The following CACNA1B variants were observed in gnomAD, a reference collection of about 807,000 sequenced individuals.
The protein encoded by CACNA1B is calcium voltage-gated channel subunit alpha1 B.
A neutral mutation model predicts 247.2 loss-of-function variants in CACNA1B; 70 were observed. The observed-to-expected ratio is 0.28, with a 90% CI of 0.23 to 0.35. The LOEUF (loss-of-function observed/expected upper bound fraction) is 0.35, where lower values mean the gene tolerates loss of function less well. Ranked by LOEUF, CACNA1B falls within the 10% of genes least tolerant of loss-of-function variation. The pLI is 1.00. For synonymous variants in CACNA1B, 1,231 were observed against 1,294.4 expected (o/e 0.95, Z 1.05); for missense variants, 2,367 against 3,197.4 (o/e 0.74, Z 6.26).
Position 138,007,864 on chromosome 9 carries a change from C to G in CACNA1B, c.2092+980C>G, listed in dbSNP as rs1270227116. Among the ~76,000 whole-genome samples the G allele has an allele frequency of 3.9e-5, 6 of 152,234 alleles. No individual in the cohort carries two copies. The highest frequency in any genetic ancestry group is 1.4e-4 in the African/African-American group (6 of 41,460). ...GGCCACTCCACCCCGTCTGTCTGTC[C>G]TCGTCTCTGCCTCACTGGTGCCGGT... On this transcript the variant is annotated intron_variant, in intron 16 of 46. Transcript: ENST00000371372. This position sits in a 1 kb window ranked among gnomAD's most constrained non-coding sequence, Gnocchi z 4.1.
intron 42 of CACNA1B, among the ~76,000 whole-genome samples, chr9:138,117,394 G>A (rs559009883): frequency 7.3e-4 from 106 of 145,358 alleles, no homozygotes; most frequent in African/African-American, 2.5e-3. Context: ...CCTACCCCCC[G>A]TCCCAGCCCG....
rs989914658 is a variant in CACNA1B at position 137,919,527 on chromosome 9, A to G, written c.966+2096A>G. ...CAGTCCGCTCCTCCACACTAAGGGC[A>G]TACAGGGTCGGTCACTGGAGATTAG... is the stretch of plus-strand genomic sequence containing the variant. On this transcript the variant is annotated intron_variant, in intron 6 of 46. Transcript: ENST00000371372. The surrounding 1 kb of genome is among the most constrained non-coding windows in gnomAD (Gnocchi z 4.6). 6.6e-6 allele frequency among the ~76,000 whole-genome samples: 1 copy of G among 152,256 alleles called. No individual in the cohort carries two copies. Among genetic ancestry groups the G allele is most frequent in the African/African-American group, 2.4e-5 (1 of 41,474 alleles).
chr9:138,113,360 T>G lies in CACNA1B; in HGVS notation c.5536+855T>G, dbSNP rs529653484. On this transcript the variant is annotated intron_variant, in intron 40 of 46. Coordinates refer to ENST00000371372, the MANE Select transcript of CACNA1B (RefSeq NM_000718.4). ...CGAGGAGGTGCCCAACTCCAACTTGTGAGAGACGTGAGGGAGCACGGGGAG... is the reference window on the plus strand; with the variant it reads ...CGAGGAGGTGCCCAACTCCAACTTGGGAGAGACGTGAGGGAGCACGGGGAG... 2.8e-5 allele frequency among the ~76,000 whole-genome samples: 4 copies of G among 141,566 alleles called. No homozygotes were observed. In the South Asian group the frequency reaches 7.0e-4, roughly 25 times the overall value. 92.9% of individuals were successfully genotyped at this position (141,566 alleles called of 152,430 possible). A position where few individuals can be genotyped will look rare whatever the true frequency, so the allele number is the denominator to read the frequency against.
intron 6 of CACNA1B, among the ~76,000 whole-genome samples, chr9:137,925,370 A>G (rs1432742148): frequency 1.3e-5 from 2 of 152,212 alleles, no homozygotes; most frequent in Non-Finnish European, 2.9e-5. Flanking sequence ...GGCAGCAGAA[A>G]TGTGTAGTCT....
At chr9:138,114,527 A>T in intron 41 of CACNA1B, 37 bp downstream of exon 41, 1 of 1,075,354 alleles carries the variant, frequency 9.3e-7, no homozygotes, top group South Asian at 1.3e-5. Context: ...GAAAACTGTG[A>T]TGCCTCCGAG....
chr9:138,024,092 AAGGG>A (rs1958889330), intron 19 of CACNA1B, among the ~76,000 whole-genome samples: 1 of 152,186 alleles, frequency 6.6e-6, no homozygotes, highest in African/African-American at 2.4e-5. Flanking sequence ...GTTATTTAAG[AAGGG>A]AGGGCTTAAG....
In CACNA1B at chr9:138,055,862, T is replaced by G. The variant is rs1299167616; in HGVS notation, c.3968+1856T>G. On this transcript the variant is annotated intron_variant, in intron 26 of 46. Transcript: ENST00000371372. Reference sequence around the variant, plus strand: ...CAAAATAGTGAAACCCTGTCTCTACTAAAACTACAAAAAATTAGCTGGGTA... The same window carrying G: ...CAAAATAGTGAAACCCTGTCTCTACGAAAACTACAAAAAATTAGCTGGGTA... Among the ~76,000 whole-genome samples the G allele has an allele frequency of 3.3e-5, 5 of 152,054 alleles. No homozygotes were observed. The South Asian group carries it at 6.2e-4, about 19-fold the overall frequency.
intron 7 of CACNA1B, among the ~76,000 whole-genome samples, chr9:137,953,376 G>A (rs1004443847): frequency 6.6e-6 from 1 of 152,256 alleles, no homozygotes; most frequent in African/African-American, 2.4e-5. Context: ...GCTGGGGATA[G>A]AGCCTGGTGA....
At position 138,050,143 on chromosome 9, in the gene CACNA1B, C is replaced by G; in HGVS notation, c.3710+828C>G. 1 of 1,232,794 alleles carries G rather than the reference C, an allele frequency of 8.1e-7. No individual in the cohort carries two copies. The highest frequency in any genetic ancestry group is 1.1e-6 in the Non-Finnish European group (1 of 936,898). 76.4% of individuals were successfully genotyped at this position (1,232,794 alleles called of 1,614,324 possible). A position where few individuals can be genotyped will look rare whatever the true frequency, so the allele number is the denominator to read the frequency against. Reference sequence around the variant, plus strand: ...TGACATCACAGCATTCCAGCAGCCCCTCTTGGGTCATTTCATCTCCAGCCT... The same window carrying G: ...TGACATCACAGCATTCCAGCAGCCCGTCTTGGGTCATTTCATCTCCAGCCT... On this transcript the variant is annotated intron_variant, in intron 24 of 46. Coordinates refer to ENST00000371372, the MANE Select transcript of CACNA1B (RefSeq NM_000718.4). The surrounding 1 kb of genome is among the most constrained non-coding windows in gnomAD (Gnocchi z 5.2).
chr9:137,893,013 C>G (rs772133383), intron 3 of CACNA1B, among the ~76,000 whole-genome samples: 1 of 152,196 alleles, frequency 6.6e-6, no homozygotes, highest in African/African-American at 2.4e-5. Context: ...CTCCGTGTCT[C>G]GCCTGGTGCT....
Position 138,115,659 on chromosome 9 carries a change from C to T in CACNA1B, c.5757C>T (p.Ser1919=), listed in dbSNP as rs1244919897. Residue 1919 remains serine (S), a synonymous_variant, in exon 42 of 47, where the codon TCC becomes TCT. Coordinates refer to ENST00000371372, the MANE Select transcript of CACNA1B (RefSeq NM_000718.4). ...TCCTTCGACAGAAGAGTTCCACCTC[C>T]CTCAGCAATGGCGGGGCCATGTGAG... The part of the protein sequence containing the change: ...RVFLRQKSST[S]LSNGGAIQNQ... The T allele has an allele frequency of 1.2e-6, 2 of 1,613,514 alleles. No individual in the cohort carries two copies. Among genetic ancestry groups the T allele is most frequent in the Admixed American group, 1.7e-5 (1 of 59,956 alleles).
intron 39 of CACNA1B, 27 bp downstream of exon 39, chr9:138,105,834 GC>G: frequency 7.7e-7 from 1 of 1,291,762 alleles, no homozygotes; most frequent in Non-Finnish European, 1.1e-6. Context: ...CGGAAGGAGG[GC>G]CCTGGACCCA....
At chr9:137,942,175 A>C (rs1002459922) in intron 6 of CACNA1B, among the ~76,000 whole-genome samples, 2 of 152,264 alleles carry the variant, frequency 1.3e-5, no homozygotes, top group African/African-American at 4.8e-5. Context: ...GGACATGAAT[A>C]GACGATTCTC....
At chr9:137,980,576 G>C (rs1011970016) in intron 12 of CACNA1B, among the ~76,000 whole-genome samples, 8 of 152,204 alleles carry the variant, frequency 5.3e-5, no homozygotes, top group Non-Finnish European at 7.3e-5. Flanking sequence ...TGGGTATATT[G>C]TGTGATGCTG....
At chr9:138,111,222 C>T (rs555324007) in intron 39 of CACNA1B, among the ~76,000 whole-genome samples, 1 of 152,316 alleles carries the variant, frequency 6.6e-6, no homozygotes, top group South Asian at 2.1e-4. Flanking sequence ...CAGCTTTATT[C>T]AAAATTGCCC....
chr9:138,040,378 T>C (rs941429826), intron 20 of CACNA1B, among the ~76,000 whole-genome samples: 9 of 151,966 alleles, frequency 5.9e-5, no homozygotes, highest in Non-Finnish European at 1.3e-4. Context: ...ATTGCTTGAG[T>C]TCATATATGA....
intron 15 of CACNA1B, among the ~76,000 whole-genome samples, chr9:138,005,477 T>C (rs951453524): frequency 2.6e-5 from 4 of 152,038 alleles, no homozygotes; most frequent in Admixed American, 2.6e-4. Flanking sequence ...GAAGAGGGGA[T>C]GAAAAGAGGG....
chr9:137,944,542 CG>C (rs765151582), intron 6 of CACNA1B, among the ~76,000 whole-genome samples: 1 of 152,094 alleles, frequency 6.6e-6, no homozygotes, highest in Non-Finnish European at 1.5e-5. Context: ...TGCTTCCTGG[CG>C]GGCAGCCTCA....
Position 137,986,818 on chromosome 9 carries a change from C to G in CACNA1B, c.1938C>G (p.Phe646Leu). 6.2e-7 allele frequency: 1 copy of G among 1,613,942 alleles called. No homozygotes were observed. The highest frequency in any genetic ancestry group is 8.5e-7 in the Non-Finnish European group (1 of 1,179,818). Reference protein sequence around the residue: ...NFQDETPTTNFDTFPAAILTV... With the variant: ...NFQDETPTTNLDTFPAAILTV... ...AGGATGAGACTCCCACAACCAACTT[C>G]GACACCTTCCCTGCCGCCATCCTCA... is the stretch of plus-strand genomic sequence containing the variant. The change falls in exon 15 of 47, where the codon TTC becomes TTG. Residue 646 changes from phenylalanine to leucine, a missense_variant. Coordinates refer to ENST00000371372, the MANE Select transcript of CACNA1B (RefSeq NM_000718.4). This position sits in a 1 kb window ranked among gnomAD's most constrained non-coding sequence, Gnocchi z 6.0.
Sources: allele counts gnomAD v4.1 joint callset (sites outside exome capture counted in the v4.1 genomes callset), GRCh38; gene constraint gnomAD v4.1.1; non-coding constraint Gnocchi (gnomAD v3.1); transcripts MANE v1.5; gene names NCBI Gene and HGNC (gene_info 2026-07-23, HGNC 2026-07-21).